The following GLUL variants were observed in gnomAD, a reference collection of about 807,000 sequenced individuals.
GLUL encodes the protein glutamine synthetase.
Under a neutral mutation model 36.9 loss-of-function variants are expected in GLUL, and 8 were observed. The observed-to-expected ratio is 0.22, with a 90% CI of 0.13 to 0.39. The LOEUF (loss-of-function observed/expected upper bound fraction) is 0.39. Ranked by LOEUF, GLUL falls within the 10% of genes least tolerant of loss-of-function variation. GLUL has a pLI of 1.00. For synonymous variants in GLUL, 182 were observed against 172.8 expected, an observed-to-expected ratio of 1.05 and a Z score of -0.42; for missense variants, 315 against 501.8, an observed-to-expected ratio of 0.63 and a Z score of 3.56.
At position 182,387,282 on chromosome 1, in the gene GLUL, C is replaced by T. The variant is rs924724847; in HGVS notation, c.177G>A (p.Glu59=). 14 of 1,612,830 alleles carry T rather than the reference C, an allele frequency of 8.7e-6. No homozygotes were observed. Among genetic ancestry groups the T allele is most frequent in the African/African-American group, 1.3e-5 (1 of 75,016 alleles). Residue 59 remains glutamate (E), a synonymous_variant, in exon 3 of 7, where the codon GAG becomes GAA. Transcript: ENST00000331872. ...SEPKCVEELP[E]WNFDGSSTLQ... ...AAGTACTAGAGCCATCGAAATTCCA[C>T]TCAGGCAACTCTGGGGCAAAAAGAG...
In GLUL at chr1:182,384,379, G is replaced by A; in HGVS notation, c.*26C>T. 2 of 1,494,572 alleles carry A rather than the reference G, an allele frequency of 1.3e-6. No homozygotes were observed. The highest frequency in any genetic ancestry group is 1.7e-5 in the Admixed American group (1 of 59,146). The allele number at this position is 1,494,572 out of a possible 1,614,324, so 92.6% of individuals were successfully genotyped here. ...GGAGTGGGATGAAGAACTAGGAGGGGCTCAACAGCTGGAGGTCTAGTCCAC... is the reference window on the plus strand; with the variant it reads ...GGAGTGGGATGAAGAACTAGGAGGGACTCAACAGCTGGAGGTCTAGTCCAC... On this transcript the variant is annotated 3_prime_UTR_variant, in exon 7 of 7. Coordinates refer to ENST00000331872, the MANE Select transcript of GLUL (RefSeq NM_001033044.4).
In GLUL at chr1:182,384,092, A is replaced by T; in HGVS notation, c.*313T>A. ...CCTTCTGCAAACGTGCTCTGTCCGG[A>T]TAGCTACGCCTATTGGACAGGTGCA... On this transcript the variant is annotated 3_prime_UTR_variant, in exon 7 of 7. Coordinates refer to ENST00000331872, the MANE Select transcript of GLUL (RefSeq NM_001033044.4). 2.6e-6 allele frequency: 1 copy of T among 389,234 alleles called. No individual in the cohort carries two copies. The highest frequency in any genetic ancestry group is 4.9e-6 in the Non-Finnish European group (1 of 204,538). The allele number at this position is 389,234 out of a possible 1,614,324, so 24.1% of individuals were successfully genotyped here.
In GLUL at chr1:182,383,189, T is replaced by C. The variant is rs549158693; in HGVS notation, c.*1216A>G. 2 of 152,246 alleles carry C rather than the reference T, an allele frequency of 1.3e-5. No homozygotes were observed. Among genetic ancestry groups the C allele is most frequent in the East Asian group, 1.9e-4 (1 of 5,186 alleles). 9.4% of individuals were successfully genotyped at this position (152,246 alleles called of 1,614,324 possible). On this transcript the variant is annotated 3_prime_UTR_variant, in exon 7 of 7. Transcript: ENST00000331872. ...TGTTTTGACTCCAGCCCTGTCCCCA[T>C]CTCCTCCAAGAGCAGAGGTAGGAGA...
chr1:182,379,192 G>A lies in GLUL; in HGVS notation c.*5213C>T, dbSNP rs575183518. ...CAGTAGAAATGTACGCAAAGTCTTT[G>A]GAGTTAAATGATGAACTGCCACTTA... On this transcript the variant is annotated 3_prime_UTR_variant, in exon 7 of 7. Transcript: ENST00000331872. Among the ~76,000 whole-genome samples the A allele has an allele frequency of 7.9e-4, 120 of 152,064 alleles. 1 individual carries two copies. Among genetic ancestry groups the A allele is most frequent in the African/African-American group, 2.8e-3 (117 of 41,480 alleles).
rs3028837 is a variant in GLUL at position 182,382,495 on chromosome 1, T to TAAATGA, written c.*1909_*1910insTCATTT. The TAAATGA allele has an allele frequency of 0.84, 127,661 of 151,742 alleles. 53,984 individuals are homozygous for TAAATGA. Among genetic ancestry groups the TAAATGA allele is most frequent in the African/African-American group, 0.94 (39,067 of 41,472 alleles). The allele number at this position is 151,742 out of a possible 1,614,324, so 9.4% of individuals were successfully genotyped here. ...AGCAGGGTAGCTAATATTTGTTTCT[T>TAAATGA]ATCACTGAGAGCAGAGAATAGAAAT... On this transcript the variant is annotated 3_prime_UTR_variant, in exon 7 of 7. Transcript: ENST00000331872.
chr1:182,384,581 C>T lies in GLUL; in HGVS notation c.946G>A (p.Val316Ile). Reference sequence around the variant, plus strand: ...CGTATGCTGGCGCTACGATTGGCTACACCAGCAGAAAAGTCGTTGATGTTG... The same window carrying T: ...CGTATGCTGGCGCTACGATTGGCTATACCAGCAGAAAAGTCGTTGATGTTG... ...TSNINDFSAG[V>I]ANRSASIRIP... Residue 316 changes from valine (V) to isoleucine (I), a missense_variant, in exon 7 of 7, where the codon GTA (valine) becomes ATA (isoleucine). Physicochemically the swap from Val to Ile is conservative, Grantham distance 29 (BLOSUM62 3). This residue lies in a region of GLUL where 58 missense variants were observed against 89.5 expected (regional missense o/e 0.65). Coordinates refer to ENST00000331872, the MANE Select transcript of GLUL (RefSeq NM_001033044.4). 3.1e-6 allele frequency: 5 copies of T among 1,614,190 alleles called. No homozygotes were observed. The South Asian group carries it at 3.3e-5, about 11-fold the overall frequency.
chr1:182,384,630 A>C lies in GLUL; in HGVS notation c.897T>G (p.Arg299=), dbSNP rs780077130. 6.2e-7 allele frequency: 1 copy of C among 1,614,140 alleles called. No homozygotes were observed. The highest frequency in any genetic ancestry group is 1.1e-5 in the South Asian group (1 of 91,082). The change falls in exon 7 of 7, where the codon CGT becomes CGG. Residue 299 remains arginine (R), a synonymous_variant. Coordinates refer to ENST00000331872, the MANE Select transcript of GLUL (RefSeq NM_001033044.4). ...TGGAGGTTTCATGGAATCCAGTTAGACGTCGGGCATTGTCCAGGCCTCCCT... is the reference window on the plus strand; with the variant it reads ...TGGAGGTTTCATGGAATCCAGTTAGCCGTCGGGCATTGTCCAGGCCTCCCT... ...DPKGGLDNAR[R]LTGFHETSNI...
Position 182,388,652 on chromosome 1 carries a change from A to G in GLUL, c.86T>C (p.Met29Thr), listed in dbSNP as rs149371914. Residue 29 changes from methionine (M) to threonine (T), a missense_variant, in exon 2 of 7, where the codon ATG (methionine) becomes ACG (threonine). Met to Thr is a moderately conservative substitution (Grantham distance 81). Transcript: ENST00000331872. ...SLPQGEKVQA[M>T]YIWIDGTGEG... is the part of the protein sequence containing the mutation. The stretch of plus-strand genomic sequence containing the variant: ...TCCAGTACCATCGATCCAGATATAC[A>G]TGGCCTGGACTTTCTCACCCTGAGG... The G allele has an allele frequency of 2.5e-6, 4 of 1,613,344 alleles. No homozygotes were observed. In the East Asian group the frequency reaches 6.7e-5, roughly 27 times the overall value.
intron 1 of GLUL, chr1:182,390,308 C>T: frequency 2.5e-6 from 1 of 394,568 alleles, no homozygotes; most frequent in Non-Finnish European, 4.5e-6. Flanking sequence ...CACACTTTGT[C>T]CTAAGCCTCA....
rs191118528 is a variant in GLUL at position 182,380,985 on chromosome 1, C to T, written c.*3420G>A. On this transcript the variant is annotated 3_prime_UTR_variant, in exon 7 of 7. Coordinates refer to ENST00000331872, the MANE Select transcript of GLUL (RefSeq NM_001033044.4). Reference sequence around the variant, plus strand: ...TGGCCCTAGGCCGGGTGCAGTGGCTCACGCCTGTAATCCCAGCACTTTGGG... The same window carrying T: ...TGGCCCTAGGCCGGGTGCAGTGGCTTACGCCTGTAATCCCAGCACTTTGGG... Among the ~76,000 whole-genome samples the T allele has an allele frequency of 7.2e-5, 11 of 152,364 alleles. No individual in the cohort carries two copies. The highest frequency in any genetic ancestry group is 2.4e-4 in the African/African-American group (10 of 41,586).
chr1:182,387,321 T>A (rs1480926769), intron 2 of GLUL, 29 bp from the exon 3 acceptor site: 4 of 1,570,772 alleles, frequency 2.5e-6, no homozygotes, highest in Non-Finnish European at 3.5e-6. Context: ...AAATTACATT[T>A]AAAACATACA....
At chr1:182,385,580 TAAAAC>T in intron 5 of GLUL, 24 bp from the exon 6 acceptor site, 12 of 1,606,604 alleles carry the variant, frequency 7.5e-6, no homozygotes, top group Non-Finnish European at 1.0e-5. Context: ...GCTTGGCCAT[TAAAAC>T]AAAGCTAACT....
rs17852994 is a variant in GLUL, at chr1:182,384,657, G to C, written c.870C>G (p.Pro290=). 7 of 1,614,060 alleles carry C rather than the reference G, an allele frequency of 4.3e-6. No individual in the cohort carries two copies. Among genetic ancestry groups the C allele is most frequent in the East Asian group, 2.2e-5 (1 of 44,876 alleles). ...RHQYHIRAYD[P]KGGLDNARRL... ...GTCGGGCATTGTCCAGGCCTCCCTT[G>C]GGATCATAGGCACGGATGTGGTACT... Residue 290 remains proline, a synonymous_variant, in exon 7 of 7, where the codon CCC becomes CCG. Coordinates refer to ENST00000331872, the MANE Select transcript of GLUL (RefSeq NM_001033044.4).
chr1:182,391,180 C>T (rs12403634), intron 1 of GLUL: 74,550 of 398,586 alleles, frequency 0.19, 8,370 homozygotes, highest in East Asian at 0.4. Flanking sequence ...CTCACCGTTA[C>T]ACGCCGCAAT....
chr1:182,389,884 A>T (rs1170686252), intron 1 of GLUL: 3 of 152,322 alleles, frequency 2.0e-5, no homozygotes, highest in Non-Finnish European at 4.4e-5. Flanking sequence ...CCCTTGGGGA[A>T]GACCAACACC....
chr1:182,388,867 C>G (rs1345592688), intron 1 of GLUL, 117 bp from the exon 2 acceptor site: 5 of 796,642 alleles, frequency 6.3e-6, no homozygotes, highest in Admixed American at 5.6e-5. Flanking sequence ...AACTCCTTCC[C>G]TTGTGGAAGT....
chr1:182,384,470 C>T lies in GLUL; in HGVS notation c.1057G>A (p.Glu353Lys). 1 of 1,613,894 alleles carries T rather than the reference C, an allele frequency of 6.2e-7. No individual in the cohort carries two copies. Among genetic ancestry groups the T allele is most frequent in the Non-Finnish European group, 8.5e-7 (1 of 1,179,842 alleles). Residue 353 changes from glutamate to lysine, a missense_variant, in exon 7 of 7, where the codon GAA becomes AAA. Physicochemically the swap from Glu to Lys is moderately conservative, Grantham distance 56. Transcript: ENST00000331872. ...AGAAGACACGTGCGGATGAGGGCTT[C>T]TGTCACCGAAAAGGGGTCGCAGTTG... ...SANCDPFSVT[E>K]ALIRTCLLNE...
At position 182,381,636 on chromosome 1, in the gene GLUL, AT is replaced by A. The variant is rs1187140051; in HGVS notation, c.*2768del. The A allele has an allele frequency of 1.3e-5, 2 of 152,230 alleles. No individual in the cohort carries two copies. The highest frequency in any genetic ancestry group is 2.9e-5 in the Non-Finnish European group (2 of 68,048). 9.4% of individuals were successfully genotyped at this position (152,230 alleles called of 1,614,324 possible). A position where few individuals can be genotyped will look rare whatever the true frequency, so the allele number is the denominator to read the frequency against. On this transcript the variant is annotated 3_prime_UTR_variant, in exon 7 of 7. Coordinates refer to ENST00000331872, the MANE Select transcript of GLUL (RefSeq NM_001033044.4). ...TTTCACCTAAATTCTGATCCTATGA[AT>A]TTAAAATTCCTTCTCATGCAATCAT... is the stretch of plus-strand genomic sequence containing the variant.
At position 182,388,603 on chromosome 1, in the gene GLUL, C is replaced by T. The variant is rs748768749; in HGVS notation, c.135G>A (p.Arg45=). The T allele has an allele frequency of 6.2e-7, 1 of 1,613,966 alleles. No homozygotes were observed. The highest frequency in any genetic ancestry group is 8.5e-7 in the Non-Finnish European group (1 of 1,179,862). ...CACACTTGGGCTCACTGTCCAGGGTCCGGGTCTTGCAGCGCAGTCCTTCTC... is the reference window on the plus strand; with the variant it reads ...CACACTTGGGCTCACTGTCCAGGGTTCGGGTCTTGCAGCGCAGTCCTTCTC... ...GTGEGLRCKT[R]TLDSEPKCVE... The change falls in exon 2 of 7, where the codon CGG becomes CGA. Residue 45 remains arginine (R), a synonymous_variant. Transcript: ENST00000331872.
Sources: gnomAD v4.1 joint callset for allele counts (sites outside exome capture counted in the v4.1 genomes callset) on GRCh38, gnomAD v4.1.1 for gene constraint, gnomAD v4.1.1 regional missense constraint, MANE v1.5 for transcripts, NCBI Gene and HGNC (gene_info 2026-07-23, HGNC 2026-07-21) for gene names.